The following FOXO1 variants were observed in gnomAD, a reference collection of about 807,000 sequenced individuals.
The protein encoded by FOXO1 is forkhead box protein O1.
In FOXO1, 6 loss-of-function variants were observed where a neutral mutation model predicts 44.1. That is an observed-to-expected ratio of 0.14 (90% CI 0.07 to 0.27). The LOEUF is 0.27. Among genes scored for constraint, FOXO1 ranks in the 10% least tolerant of loss-of-function variants. FOXO1 has a pLI of 1.00. For missense variants in FOXO1, 737 were observed against 888.8 expected (o/e 0.83, Z 2.17); for synonymous variants, 380 against 362.7 (o/e 1.05, Z -0.54).
At chr13:40,563,923 G>T (rs1874152692) in intron 1 of FOXO1, among the ~76,000 whole-genome samples, 1 of 152,170 alleles carries the variant, frequency 6.6e-6, no homozygotes, top group Non-Finnish European at 1.5e-5. Flanking sequence ...CTATACACTG[G>T]AAGTCCAGGC....
At chr13:40,635,300 C>T (rs767146739) in intron 1 of FOXO1, among the ~76,000 whole-genome samples, 140 of 152,196 alleles carry the variant, frequency 9.2e-4, no homozygotes, top group Admixed American at 2.4e-3. Flanking sequence ...CTATATGCTA[C>T]TAAGTCTACA....
intron 1 of FOXO1, among the ~76,000 whole-genome samples, chr13:40,575,380 G>A (rs545089608): frequency 6.6e-6 from 1 of 152,224 alleles, no homozygotes; most frequent in South Asian, 2.1e-4. Flanking sequence ...AACATGTCCA[G>A]TTCATCCTGC....
intron 1 of FOXO1, among the ~76,000 whole-genome samples, chr13:40,661,477 A>G (rs1177737694): frequency 6.6e-6 from 1 of 152,090 alleles, no homozygotes; most frequent in Non-Finnish European, 1.5e-5. Flanking sequence ...TTTGTATTTT[A>G]GTAGAGATGA....
intron 1 of FOXO1, among the ~76,000 whole-genome samples, chr13:40,602,026 A>G (rs1375208193): frequency 6.6e-6 from 1 of 152,226 alleles, no homozygotes; most frequent in African/African-American, 2.4e-5. Flanking sequence ...CATGACATAG[A>G]AAGATTCATG....
At chr13:40,643,080 G>C (rs1877402444) in intron 1 of FOXO1, among the ~76,000 whole-genome samples, 1 of 152,114 alleles carries the variant, frequency 6.6e-6, no homozygotes, top group African/African-American at 2.4e-5. Context: ...GGTGGCTCAT[G>C]CCTATAATCC....
intron 1 of FOXO1, chr13:40,619,192 G>A (rs910600551): frequency 2.8e-5 from 10 of 358,808 alleles, no homozygotes; most frequent in African/African-American, 1.7e-4. Context: ...TACTCAGGAG[G>A]CTGAGGCAGG....
intron 1 of FOXO1, chr13:40,619,661 A>T: frequency 6.6e-7 from 1 of 1,520,642 alleles, no homozygotes. Context: ...GTGAATTTCA[A>T]TGGTGGTAGT....
chr13:40,640,476 T>C (rs1346128533), intron 1 of FOXO1, among the ~76,000 whole-genome samples: 1 of 152,202 alleles, frequency 6.6e-6, no homozygotes, highest in Non-Finnish European at 1.5e-5. Flanking sequence ...CATCTGATGA[T>C]CCAGTTAGAA....
chr13:40,574,100 T>A (rs1874650266), intron 1 of FOXO1, among the ~76,000 whole-genome samples: 1 of 152,222 alleles, frequency 6.6e-6, no homozygotes, highest in Non-Finnish European at 1.5e-5. Flanking sequence ...AACGTTTTTT[T>A]ATCTCTTCCA....
At chr13:40,625,890 T>C (rs535189229) in intron 1 of FOXO1, among the ~76,000 whole-genome samples, 2 of 152,342 alleles carry the variant, frequency 1.3e-5, no homozygotes, top group East Asian at 3.9e-4. Context: ...TATAGATTCT[T>C]AAATTCAAAC....
rs182649505 is a variant in FOXO1 at position 40,645,936 on chromosome 13, C to T, written c.630+19647G>A. On this transcript the variant is annotated intron_variant, in intron 1 of 2. Coordinates refer to ENST00000379561, the MANE Select transcript of FOXO1 (RefSeq NM_002015.4). ...ACAAAACTAGCCGGGCATGGTGGCG[C>T]TTGCTGTAATCCCAGCTACTCCGGT... Among the ~76,000 whole-genome samples, 712 of 152,000 alleles carry T rather than the reference C, an allele frequency of 4.7e-3. 6 individuals carry two copies. Among genetic ancestry groups the T allele is most frequent in the Non-Finnish European group, 2.5e-3 (172 of 67,986 alleles).
At chr13:40,586,977 A>C (rs1357695729) in intron 1 of FOXO1, among the ~76,000 whole-genome samples, 1 of 152,204 alleles carries the variant, frequency 6.6e-6, no homozygotes, top group African/African-American at 2.4e-5. Flanking sequence ...TTTGTCTGCT[A>C]TTTTACCCAG....
chr13:40,644,127 C>T (rs1283282392), intron 1 of FOXO1, among the ~76,000 whole-genome samples: 8 of 152,194 alleles, frequency 5.3e-5, no homozygotes, highest in Non-Finnish European at 8.8e-5. Flanking sequence ...CTAAAGACAT[C>T]CTCCCAGGGC....
intron 1 of FOXO1, among the ~76,000 whole-genome samples, chr13:40,578,618 G>A (rs890530704): frequency 6.6e-6 from 1 of 152,154 alleles, no homozygotes; most frequent in Non-Finnish European, 1.5e-5. Flanking sequence ...TCAGGACAAA[G>A]CAGCACACTA....
intron 1 of FOXO1, among the ~76,000 whole-genome samples, chr13:40,602,958 G>A (rs1395966752): frequency 2.0e-5 from 3 of 152,126 alleles, no homozygotes; most frequent in African/African-American, 7.2e-5. Flanking sequence ...CTTCATGTAG[G>A]ATGAGTGATG....
chr13:40,584,811 G>A (rs963907704), intron 1 of FOXO1, among the ~76,000 whole-genome samples: 3 of 152,156 alleles, frequency 2.0e-5, no homozygotes, highest in South Asian at 2.1e-4. Context: ...CTAATGGTCC[G>A]ACTCTTCTAG....
At chr13:40,590,476 G>A (rs186830340) in intron 1 of FOXO1, among the ~76,000 whole-genome samples, 2 of 152,340 alleles carry the variant, frequency 1.3e-5, no homozygotes, top group Admixed American at 1.3e-4. Context: ...TTACAGAAGA[G>A]GATAGATGTC....
At position 40,600,332 on chromosome 13, in the gene FOXO1, G is replaced by C. The variant is rs1218793564; in HGVS notation, c.631-39472C>G. Among the ~76,000 whole-genome samples, 4 of 152,206 alleles carry C rather than the reference G, an allele frequency of 2.6e-5. No individual in the cohort carries two copies. In the South Asian group the frequency reaches 8.3e-4, roughly 31 times the overall value. On this transcript the variant is annotated intron_variant, in intron 1 of 2. Transcript: ENST00000379561. The stretch of plus-strand genomic sequence containing the variant: ...CAGAAACCATCTGTGTGTGTGTCAA[G>C]GTGACAGGCTGAACCAGTCAGAAGG...
At chr13:40,626,839 G>A (rs17592468) in intron 1 of FOXO1, among the ~76,000 whole-genome samples, 18,583 of 152,122 alleles carry the variant, frequency 0.12, 1,998 homozygotes, top group East Asian at 0.39. Flanking sequence ...CTATGAACAA[G>A]TACCCAAGGG....
Sources: allele counts gnomAD v4.1 joint callset (sites outside exome capture counted in the v4.1 genomes callset), GRCh38; gene constraint gnomAD v4.1.1; transcripts MANE v1.5; gene names NCBI Gene and HGNC (gene_info 2026-07-23, HGNC 2026-07-21).